The following MICAL3 variants were observed in gnomAD, a reference collection of about 807,000 sequenced individuals.
The protein encoded by MICAL3 is [F-actin]-monooxygenase MICAL3.
In MICAL3, 62 loss-of-function variants were observed where a neutral mutation model predicts 207.4. The observed-to-expected ratio is 0.30, with a 90% CI of 0.24 to 0.37. MICAL3 has a LOEUF of 0.37. Among genes scored for constraint, MICAL3 ranks in the 10% least tolerant of loss-of-function variants. MICAL3 has a pLI of 1.00. For missense variants in MICAL3, 2,368 were observed against 2,635.6 expected (o/e 0.90, Z 2.22); for synonymous variants, 1,077 against 1,069.3 (o/e 1.01, Z -0.14).
At chr22:17,827,608 C>A in intron 22 of MICAL3, 36 bp downstream of exon 22, 1 of 1,526,454 alleles carries the variant, frequency 6.6e-7, no homozygotes, top group Non-Finnish European at 8.8e-7. Flanking sequence ...GGGTGGTGCT[C>A]GGGGCACACT....
At chr22:17,877,183 A>C (rs1353663746) in intron 16 of MICAL3, among the ~76,000 whole-genome samples, 7 of 94,262 alleles carry the variant, frequency 7.4e-5, no homozygotes, top group African/African-American at 2.0e-4. Context: ...GAGGTTAGGG[A>C]AGTTATGGAG....
At chr22:17,951,977 G>A (rs1401619586) in intron 1 of MICAL3, among the ~76,000 whole-genome samples, 5 of 152,154 alleles carry the variant, frequency 3.3e-5, no homozygotes, top group East Asian at 1.9e-4. Context: ...GATTACAGGC[G>A]TGAGCGACTG....
Position 17,818,959 on chromosome 22 carries a change from C to T in MICAL3, c.3702G>A (p.Arg1234=), listed in dbSNP as rs776438035. Residue 1234 remains arginine, a synonymous_variant, in exon 26 of 32, where the codon AGG becomes AGA. Coordinates refer to ENST00000441493, the MANE Select transcript of MICAL3 (RefSeq NM_015241.3). Reference sequence around the variant, plus strand: ...GCGGGCTCCCTGGTGAGACAGGAGTCCTAGCTTCTGGCAGGGTCACTGGCT... The same window carrying T: ...GCGGGCTCCCTGGTGAGACAGGAGTTCTAGCTTCTGGCAGGGTCACTGGCT... The part of the protein sequence containing the change: ...RSQPVTLPEA[R]TPVSPGSPQP... 2 of 1,603,692 alleles carry T rather than the reference C, an allele frequency of 1.2e-6. No homozygotes were observed. The highest frequency in any genetic ancestry group is 1.7e-6 in the Non-Finnish European group (2 of 1,175,242).
At chr22:17,970,424 C>T (rs894051940) in intron 1 of MICAL3, among the ~76,000 whole-genome samples, 4 of 152,190 alleles carry the variant, frequency 2.6e-5, no homozygotes, top group Non-Finnish European at 4.4e-5. Context: ...CGTGATCTGC[C>T]GCAGGGCCCA....
intron 16 of MICAL3, among the ~76,000 whole-genome samples, chr22:17,877,438 T>TTA (rs1602125186): frequency 4.6e-5 from 5 of 107,892 alleles, no homozygotes; most frequent in Admixed American, 8.6e-5. Context: ...ATTATGGAGG[T>TTA]GAGGGAGGTT....
chr22:17,864,523 T>C (rs1358985700), intron 19 of MICAL3: 2 of 1,433,860 alleles, frequency 1.4e-6, no homozygotes, highest in East Asian at 2.5e-5. Flanking sequence ...GGGCGGGTGA[T>C]GGGAGCAGTG....
intron 19 of MICAL3, among the ~76,000 whole-genome samples, chr22:17,853,829 G>A (rs912551520): frequency 1.3e-5 from 2 of 152,326 alleles, no homozygotes; most frequent in Admixed American, 6.5e-5. Context: ...AACAACACAG[G>A]ATCTCTGCTT....
Position 17,832,086 on chromosome 22 carries a change from C to G in MICAL3, c.2823G>C (p.Glu941Asp). ...VASSSSESEM[E>D]EEGEEEEEEP... ...CCTCCTCCTCCTCCTCTCCCTCCTC[C>G]TCCATCTCAGACTCGGAACTACTGT... is the stretch of plus-strand genomic sequence containing the variant. Residue 941 changes from glutamate to aspartate, a missense_variant, in exon 21 of 32, where the codon GAG becomes GAC. Physicochemically the swap from Glu to Asp is conservative, Grantham distance 45. This residue lies in a region of MICAL3 where 1,770 missense variants were observed against 1,863.2 expected (regional missense o/e 0.95). Transcript: ENST00000441493. 1 of 1,579,942 alleles carries G rather than the reference C, an allele frequency of 6.3e-7. No homozygotes were observed. Among genetic ancestry groups the G allele is most frequent in the Non-Finnish European group, 8.6e-7 (1 of 1,162,782 alleles).
intron 22 of MICAL3, among the ~76,000 whole-genome samples, chr22:17,824,414 A>G: frequency 6.6e-6 from 1 of 152,262 alleles, no homozygotes; most frequent in East Asian, 1.9e-4. Flanking sequence ...CAGCCTCGGA[A>G]GTAGCATCTT....
chr22:17,945,833 GA>G (rs1160066009), intron 1 of MICAL3, among the ~76,000 whole-genome samples: 5 of 152,108 alleles, frequency 3.3e-5, no homozygotes, highest in Admixed American at 2.0e-4. Flanking sequence ...CAGGAAGACT[GA>G]GACAAAAGGG....
chr22:17,876,831 G>GC (rs1928505956), intron 16 of MICAL3: 4 of 136,626 alleles, frequency 2.9e-5, no homozygotes, highest in African/African-American at 1.2e-4. Context: ...GGAGGTTATG[G>GC]AGGTTAGGGA....
At chr22:17,795,504 AC>A (rs1443790801) in intron 29 of MICAL3, among the ~76,000 whole-genome samples, 3 of 152,270 alleles carry the variant, frequency 2.0e-5, no homozygotes, top group Non-Finnish European at 2.9e-5. Context: ...TCTGGACAGC[AC>A]AAAATACAGC....
Position 17,940,626 on chromosome 22 carries a change from G to A in MICAL3, c.-74-33740C>T, listed in dbSNP as rs575825940. On this transcript the variant is annotated intron_variant, in intron 1 of 31. Transcript: ENST00000441493. ...GAATAAAAAATAAGCTCATTACAAG[G>A]AAAGAGGCAAAGGTAGGGTAAATCC... Among the ~76,000 whole-genome samples the A allele has an allele frequency of 7.4e-4, 113 of 152,132 alleles. 1 individual carries two copies. Among genetic ancestry groups the A allele is most frequent in the African/African-American group, 2.6e-3 (107 of 41,518 alleles).
Position 17,919,569 on chromosome 22 carries a change from C to T in MICAL3, c.-74-12683G>A, listed in dbSNP as rs193293284. 4.8e-4 allele frequency among the ~76,000 whole-genome samples: 73 copies of T among 152,312 alleles called. 1 individual carries two copies. Among genetic ancestry groups the T allele is most frequent in the Admixed American group, 4.1e-3 (63 of 15,300 alleles). ...CTGAGTTAGGATATGAGACAGAAGT[C>T]GTATCAAATGAAAATGAACTGTGTG... is the stretch of plus-strand genomic sequence containing the variant. On this transcript the variant is annotated intron_variant, in intron 1 of 31. Coordinates refer to ENST00000441493, the MANE Select transcript of MICAL3 (RefSeq NM_015241.3).
chr22:17,834,741 G>A (rs1037599313), intron 20 of MICAL3, among the ~76,000 whole-genome samples: 1 of 152,266 alleles, frequency 6.6e-6, no homozygotes, highest in African/African-American at 2.4e-5. Flanking sequence ...CTGGATTTTG[G>A]TTATTTTTCA....
At chr22:17,877,315 G>GGAGGTTAGGGAGGTTACGGAGGTTAT (rs1928778824) in intron 16 of MICAL3, among the ~76,000 whole-genome samples, 1 of 49,750 alleles carries the variant, frequency 2.0e-5, no homozygotes, top group Non-Finnish European at 3.7e-5. Flanking sequence ...ATGGAGGTTA[G>GGAGGTTAGGGAGGTTACGGAGGTTAT]GGAGGTTAGG....
rs936502392 is a variant in MICAL3, at chr22:17,796,309, C to A, written c.5651-5008G>T. On this transcript the variant is annotated intron_variant, in intron 29 of 31. Coordinates refer to ENST00000441493, the MANE Select transcript of MICAL3 (RefSeq NM_015241.3). The surrounding 1 kb of genome is among the most constrained non-coding windows in gnomAD (Gnocchi z 4.4). ...ACTCGCTTGACACCTGGCGGGCAGG[C>A]AGTGCCTGTCACCAAATTTCAAAAA... Among the ~76,000 whole-genome samples, 1 of 152,242 alleles carries A rather than the reference C, an allele frequency of 6.6e-6. No individual in the cohort carries two copies. Among genetic ancestry groups the A allele is most frequent in the African/African-American group, 2.4e-5 (1 of 41,460 alleles).
Position 17,817,626 on chromosome 22 carries a change from A to G in MICAL3, c.5035T>C (p.Ser1679Pro), listed in dbSNP as rs991944761. Residue 1679 changes from serine to proline, a missense_variant, in exon 26 of 32, where the codon TCA (serine) becomes CCA (proline). This residue lies in a region of MICAL3 where 1,770 missense variants were observed against 1,863.2 expected (regional missense o/e 0.95). Coordinates refer to ENST00000441493, the MANE Select transcript of MICAL3 (RefSeq NM_015241.3). The stretch of plus-strand genomic sequence containing the variant: ...GTGAAAGAGCCATCTGGGCCCCCTG[A>G]GTCCGACGGCGGGGAGAGGACCTCC... ...SEEVLSPPSDSGGPDGSFTSS... is the reference protein window; with the variant it reads ...SEEVLSPPSDPGGPDGSFTSS... 2 of 1,612,740 alleles carry G rather than the reference A, an allele frequency of 1.2e-6. No homozygotes were observed. Among genetic ancestry groups the G allele is most frequent in the African/African-American group, 1.3e-5 (1 of 74,820 alleles).
At position 17,934,028 on chromosome 22, in the gene MICAL3, G is replaced by A. The variant is rs954888593; in HGVS notation, c.-74-27142C>T. On this transcript the variant is annotated intron_variant, in intron 1 of 31. Coordinates refer to ENST00000441493, the MANE Select transcript of MICAL3 (RefSeq NM_015241.3). ...TCCAGGACCAGATGGATTCACAGCC[G>A]AATTCTACCAGAGGTACAAAGAGGA... Among the ~76,000 whole-genome samples, 20 of 152,106 alleles carry A rather than the reference G, an allele frequency of 1.3e-4. No individual in the cohort carries two copies. In the East Asian group the frequency reaches 2.5e-3, roughly 19 times the overall value.
Sources: allele counts gnomAD v4.1 joint callset (sites outside exome capture counted in the v4.1 genomes callset), GRCh38; gene constraint gnomAD v4.1.1; regional missense constraint gnomAD v4.1.1; non-coding constraint Gnocchi (gnomAD v3.1); transcripts MANE v1.5; gene names NCBI Gene and HGNC (gene_info 2026-07-23, HGNC 2026-07-21).